IGSF10: variants seen among roughly 807,000 people sequenced by gnomAD.
IGSF10 encodes the protein calvaria mechanical force protein 608.
A neutral mutation model predicts 128.2 loss-of-function variants in IGSF10; 126 were observed. The observed-to-expected ratio is 0.98, with a 90% CI of 0.85 to 1.14. IGSF10 has a LOEUF of 1.14. Ranked by LOEUF, IGSF10 falls within the 50% of genes most tolerant of loss-of-function variation. IGSF10 has a pLI of 0.00. For missense variants in IGSF10, 3,295 were observed against 3,149.8 expected, an observed-to-expected ratio of 1.05 and a Z score of -1.10; for synonymous variants, 1,185 against 1,146.2, an observed-to-expected ratio of 1.03 and a Z score of -0.68.
rs758098175 is a variant in IGSF10, at chr3:151,448,623, G to A, written c.1358C>T (p.Ser453Phe). The change falls in exon 6 of 8, where the codon TCC (serine) becomes TTC (phenylalanine). Residue 453 changes from serine (S) to phenylalanine (F), a missense_variant. Physicochemically the swap from Ser to Phe is radical, Grantham distance 155. Coordinates refer to ENST00000282466, the MANE Select transcript of IGSF10 (RefSeq NM_178822.5). ...TTFSTLQIQYSSDAQITLPRA... is the reference protein window; with the variant it reads ...TTFSTLQIQYFSDAQITLPRA... ...TGGTAAAGTGATTTGAGCATCACTG[G>A]AGTACTGGATCTGTAATGTACTGAA... 4 of 1,614,060 alleles carry A rather than the reference G, an allele frequency of 2.5e-6. No individual in the cohort carries two copies. The highest frequency in any genetic ancestry group is 3.4e-6 in the Non-Finnish European group (4 of 1,180,022).
At chr3:151,482,813 T>C in the IGSF10 span, among the ~76,000 whole-genome samples, 122,885 of 152,008 alleles carry the variant, frequency 0.81, 49,726 homozygotes, top group Middle Eastern at 0.92. Context: ...ACCTACATCA[T>C]AGATAAGAGA....
At chr3:151,576,148 C>CTCA in the IGSF10 span, among the ~76,000 whole-genome samples, 2 of 151,614 alleles carry the variant, frequency 1.3e-5, no homozygotes, top group African/African-American at 4.8e-5. Context: ...CCAGTTTCTG[C>CTCA]TATATCAAGT....
At chr3:151,461,172 G>T, upstream of IGSF10, 1 of 985,380 alleles carries the variant, frequency 1.0e-6, no homozygotes, top group Non-Finnish European at 1.2e-6. Flanking sequence ...TTATGTTTAC[G>T]AGCGTGTGGG....
chr3:151,446,859 G>T lies in IGSF10; in HGVS notation c.3122C>A (p.Ser1041Ter), dbSNP rs1477437456. 6.2e-7 allele frequency: 1 copy of T among 1,614,034 alleles called. No individual in the cohort carries two copies. Among genetic ancestry groups the T allele is most frequent in the Admixed American group, 1.7e-5 (1 of 60,008 alleles). ...TTTTTCAGAAGAACCTCTGGTTGTT[G>T]ACCTGAAAATGCTGTATCTATGCCG... The part of the protein sequence containing the change: ...LRRHRYSIFR[S>*]TTRGSSEKST... The change falls in exon 6 of 8, where the codon TCA (serine) becomes TAA (stop). Residue 1041 changes from serine to a stop codon, truncating the protein, a stop_gained. Transcript: ENST00000282466. LOFTEE classifies it high-confidence loss of function.
the IGSF10 span, among the ~76,000 whole-genome samples, chr3:151,510,183 T>A: frequency 1.3e-5 from 2 of 152,318 alleles, no homozygotes; most frequent in South Asian, 2.1e-4. Context: ...CCTCTTCAAG[T>A]GGGCCCCTGA....
At chr3:151,478,784 A>G in the IGSF10 span, among the ~76,000 whole-genome samples, 1 of 151,956 alleles carries the variant, frequency 6.6e-6, no homozygotes, top group Non-Finnish European at 1.5e-5. Context: ...CTTAGGGACT[A>G]AAAAAAAGAG....
the IGSF10 span, chr3:151,499,736 C>T: frequency 6.6e-6 from 1 of 152,142 alleles, no homozygotes; most frequent in African/African-American, 2.4e-5. Flanking sequence ...CGCTCCAACT[C>T]TGTAGCTTCT....
chr3:151,444,764 A>G (rs1253585806), intron 6 of IGSF10, among the ~76,000 whole-genome samples, 155 bp downstream of exon 6: 1 of 152,276 alleles, frequency 6.6e-6, no homozygotes, highest in Non-Finnish European at 1.5e-5. Flanking sequence ...CTGATGAGTG[A>G]AAATATGCCA....
At chr3:151,485,839 G>A in the IGSF10 span, among the ~76,000 whole-genome samples, 10 of 152,194 alleles carry the variant, frequency 6.6e-5, no homozygotes, top group Admixed American at 6.5e-5. Context: ...ACCAGCCACT[G>A]CAAAGTCATA....
chr3:151,559,205 T>C, the IGSF10 span, among the ~76,000 whole-genome samples: 1 of 152,150 alleles, frequency 6.6e-6, no homozygotes, highest in South Asian at 2.1e-4. Context: ...TCAACAGCTA[T>C]TGATCATGGT....
chr3:151,476,925 T>G, the IGSF10 span, among the ~76,000 whole-genome samples: 2,987 of 152,310 alleles, frequency 0.02, 70 homozygotes, highest in East Asian at 0.064. Flanking sequence ...ACCAGGTGTT[T>G]TCTGATGTCA....
chr3:151,587,155 G>A, the IGSF10 span, among the ~76,000 whole-genome samples: 1 of 152,120 alleles, frequency 6.6e-6, no homozygotes, highest in African/African-American at 2.4e-5. Context: ...CATCCATGCA[G>A]CCTCTCTATA....
chr3:151,539,754 T>A, the IGSF10 span, among the ~76,000 whole-genome samples: 4 of 150,672 alleles, frequency 2.7e-5, no homozygotes, highest in African/African-American at 9.8e-5. Flanking sequence ...CACCCAGCAT[T>A]ATTTCAACAG....
the IGSF10 span, among the ~76,000 whole-genome samples, chr3:151,617,524 G>A: frequency 2.0e-5 from 3 of 151,804 alleles, no homozygotes; most frequent in Non-Finnish European, 4.4e-5. Context: ...ATAACCGAAG[G>A]AGAATTTACT....
At chr3:151,439,339 A>C (rs1720691694) in intron 7 of IGSF10, among the ~76,000 whole-genome samples, 1 of 152,260 alleles carries the variant, frequency 6.6e-6, no homozygotes, top group Non-Finnish European at 1.5e-5. Flanking sequence ...TTGGCTGGGC[A>C]CAGTGGCTCA....
the IGSF10 span, among the ~76,000 whole-genome samples, chr3:151,480,476 G>A: frequency 6.6e-6 from 1 of 152,158 alleles, no homozygotes; most frequent in African/African-American, 2.4e-5. Flanking sequence ...CACGCACTGA[G>A]CTACTTTCAG....
chr3:151,580,952 A>AT, the IGSF10 span, among the ~76,000 whole-genome samples: 621 of 146,206 alleles, frequency 4.2e-3, 3 homozygotes, highest in African/African-American at 0.012. Context: ...ATAAAATCAG[A>AT]TTTTTTTTTT....
chr3:151,598,289 C>T, the IGSF10 span, among the ~76,000 whole-genome samples: 5 of 152,096 alleles, frequency 3.3e-5, no homozygotes, highest in African/African-American at 1.2e-4. Context: ...AAGAGCTGGC[C>T]TTTGGGCAAT....
chr3:151,518,126 GT>G, the IGSF10 span, among the ~76,000 whole-genome samples: 1 of 151,976 alleles, frequency 6.6e-6, no homozygotes, highest in Non-Finnish European at 1.5e-5. Flanking sequence ...CAGCCTAAAG[GT>G]TTTTCTGTAC....
Sources: gnomAD v4.1 joint callset for allele counts (sites outside exome capture counted in the v4.1 genomes callset) on GRCh38, gnomAD v4.1.1 for gene constraint, MANE v1.5 for transcripts, NCBI Gene and HGNC (gene_info 2026-07-23, HGNC 2026-07-21) for gene names.